The following CFAP299 variants were observed in gnomAD, a reference collection of about 807,000 sequenced individuals.
CFAP299 encodes cilia and flagella associated protein 299.
CFAP299 carries 21 observed loss-of-function variants against 27.0 expected under a neutral mutation model. That is an observed-to-expected ratio of 0.78 (90% CI 0.55 to 1.12). The LOEUF is 1.12. Among genes scored for constraint, CFAP299 ranks in the 50% most tolerant of loss-of-function variants. CFAP299 has a pLI of 0.00. For missense variants in CFAP299, 310 were observed against 276.6 expected (o/e 1.12, Z -0.86); for synonymous variants, 104 against 98.1 (o/e 1.06, Z -0.36).
intron 2 of CFAP299, among the ~76,000 whole-genome samples, chr4:80,532,203 T>G (rs59789768): frequency 0.079 from 12,016 of 152,256 alleles, 550 homozygotes; most frequent in Non-Finnish European, 0.094. Context: ...TCAAGTATTT[T>G]ATGTATTGTA....
chr4:80,411,106 T>C (rs976925547), intron 2 of CFAP299, among the ~76,000 whole-genome samples: 1 of 152,180 alleles, frequency 6.6e-6, no homozygotes, highest in African/African-American at 2.4e-5. Flanking sequence ...ATTTATTTCC[T>C]TTGGCTATTT....
At chr4:80,386,718 G>C (rs1198671049) in intron 2 of CFAP299, 1 of 1,565,330 alleles carries the variant, frequency 6.4e-7, no homozygotes, top group Non-Finnish European at 8.8e-7. Flanking sequence ...CATTTGTGGA[G>C]CTTCATGCCG....
chr4:80,749,367 G>A (rs2110069774), intron 3 of CFAP299, among the ~76,000 whole-genome samples: 1 of 152,206 alleles, frequency 6.6e-6, no homozygotes, highest in Admixed American at 6.5e-5. Flanking sequence ...GGACTGTTAA[G>A]AAGATTAAAA....
intron 3 of CFAP299, among the ~76,000 whole-genome samples, chr4:80,757,879 C>T (rs1725330698): frequency 6.6e-6 from 1 of 152,136 alleles, no homozygotes; most frequent in Non-Finnish European, 1.5e-5. Flanking sequence ...AAAAACTCCA[C>T]TCACTGGAAC....
At chr4:80,771,841 T>C (rs1039960094) in intron 3 of CFAP299, among the ~76,000 whole-genome samples, 2 of 152,214 alleles carry the variant, frequency 1.3e-5, no homozygotes, top group African/African-American at 4.8e-5. Flanking sequence ...ATTGATTTCC[T>C]CTTACATCCC....
intron 3 of CFAP299, among the ~76,000 whole-genome samples, chr4:80,865,119 C>T (rs1330849402): frequency 1.3e-5 from 2 of 152,040 alleles, no homozygotes; most frequent in Non-Finnish European, 2.9e-5. Flanking sequence ...TTTCATCTCC[C>T]ACATTTATAA....
At chr4:80,835,139 TG>T (rs1198591445) in intron 3 of CFAP299, among the ~76,000 whole-genome samples, 1 of 152,122 alleles carries the variant, frequency 6.6e-6, no homozygotes, top group Non-Finnish European at 1.5e-5. Flanking sequence ...TTTTTTGAGA[TG>T]GAGTCTCGCT....
chr4:80,794,928 A>C (rs1727765597), intron 3 of CFAP299, among the ~76,000 whole-genome samples: 1 of 152,170 alleles, frequency 6.6e-6, no homozygotes. Context: ...GGCACTCAAC[A>C]GTGGCCATAG....
At chr4:80,662,369 T>C (rs1740895342) in intron 3 of CFAP299, among the ~76,000 whole-genome samples, 1 of 148,192 alleles carries the variant, frequency 6.7e-6, no homozygotes, top group Admixed American at 6.8e-5. Context: ...TTAAAGAAAA[T>C]GGAAAAGAAC....
chr4:80,897,876 T>A (rs935173579), intron 4 of CFAP299, among the ~76,000 whole-genome samples: 1 of 152,198 alleles, frequency 6.6e-6, no homozygotes, highest in Admixed American at 6.5e-5. Flanking sequence ...TTCCCTGACC[T>A]CTTCACGGGC....
At chr4:80,951,851 A>G (rs1737794487) in intron 5 of CFAP299, among the ~76,000 whole-genome samples, 1 of 152,212 alleles carries the variant, frequency 6.6e-6, no homozygotes, top group Non-Finnish European at 1.5e-5. Context: ...TTGAAATTAC[A>G]CGTTCCCAGG....
intron 3 of CFAP299, among the ~76,000 whole-genome samples, chr4:80,831,114 A>G (rs1730275898): frequency 6.6e-6 from 1 of 152,154 alleles, no homozygotes; most frequent in Non-Finnish European, 1.5e-5. Context: ...CAAATTGGGT[A>G]GATGGTAACA....
chr4:80,684,684 G>T (rs73832435), intron 3 of CFAP299, among the ~76,000 whole-genome samples: 4,891 of 149,038 alleles, frequency 0.033, 267 homozygotes, highest in African/African-American at 0.11. Context: ...TCTTTTTTTT[G>T]TTGTTGTTGT....
intron 3 of CFAP299, among the ~76,000 whole-genome samples, chr4:80,693,047 A>G (rs1354504997): frequency 1.3e-5 from 2 of 152,288 alleles, no homozygotes; most frequent in Non-Finnish European, 1.5e-5. Flanking sequence ...TCAGGAAACA[A>G]CAGGTGCTGG....
intron 3 of CFAP299, among the ~76,000 whole-genome samples, chr4:80,780,506 G>A (rs1054317977): frequency 1.3e-5 from 2 of 151,990 alleles, no homozygotes; most frequent in African/African-American, 4.8e-5. Context: ...CACAGCATAA[G>A]GTATAGAAAT....
At chr4:80,580,041 A>G (rs780427272) in intron 2 of CFAP299, among the ~76,000 whole-genome samples, 7 of 152,138 alleles carry the variant, frequency 4.6e-5, no homozygotes, top group Admixed American at 2.6e-4. Flanking sequence ...CTGTATAGTC[A>G]TTGTATCAAT....
At chr4:80,511,322 T>C (rs971184944) in intron 2 of CFAP299, among the ~76,000 whole-genome samples, 5 of 152,170 alleles carry the variant, frequency 3.3e-5, no homozygotes, top group Middle Eastern at 3.2e-3. Context: ...ACTGTTATTA[T>C]TGACATTAAA....
chr4:80,760,453 A>G (rs990481075), intron 3 of CFAP299, among the ~76,000 whole-genome samples: 124 of 152,298 alleles, frequency 8.1e-4, no homozygotes, highest in African/African-American at 2.9e-3. Flanking sequence ...TAACGCTGAA[A>G]GTGTAATGGC....
At chr4:80,574,839 T>C (rs544584664) in intron 2 of CFAP299, among the ~76,000 whole-genome samples, 44 of 152,266 alleles carry the variant, frequency 2.9e-4, no homozygotes, top group Admixed American at 1.9e-3. Context: ...ATCTTTTTCA[T>C]ATGTTGTTGA....
Sources: gnomAD v4.1 joint callset for allele counts (sites outside exome capture counted in the v4.1 genomes callset) on GRCh38, gnomAD v4.1.1 for gene constraint, MANE v1.5 for transcripts, NCBI Gene and HGNC (gene_info 2026-07-23, HGNC 2026-07-21) for gene names.